AKAP6: variants seen among roughly 807,000 people sequenced by gnomAD.
AKAP6 encodes A-kinase anchor protein 6.
AKAP6 carries 58 observed loss-of-function variants against 188.5 expected under a neutral mutation model. The ratio of observed to expected loss-of-function variants is 0.31; its 90% confidence interval spans 0.25 to 0.38. AKAP6 has a LOEUF of 0.38. AKAP6 is among the 10% of genes least tolerant of loss of function. The probability of loss-of-function intolerance (pLI) is 1.00; values close to 1 mark genes in which losing one functional copy is unlikely to be tolerated. For missense variants in AKAP6, 2,710 were observed against 2,740.0 expected, an observed-to-expected ratio of 0.99 and a Z score of 0.24; for synonymous variants, 989 against 998.6, an observed-to-expected ratio of 0.99 and a Z score of 0.18.
At chr14:32,350,844 G>T (rs1887241527) in intron 1 of AKAP6, among the ~76,000 whole-genome samples, 1 of 152,074 alleles carries the variant, frequency 6.6e-6, no homozygotes, top group African/African-American at 2.4e-5. Flanking sequence ...TCAGAGGATG[G>T]TAGGATGAGA....
intron 1 of AKAP6, among the ~76,000 whole-genome samples, chr14:32,352,266 G>T (rs72666148): frequency 0.083 from 12,280 of 147,184 alleles, 554 homozygotes; most frequent in African/African-American, 0.11. Context: ...TTTTTTTTTT[G>T]GTTTTATTTT....
intron 12 of AKAP6, among the ~76,000 whole-genome samples, chr14:32,818,846 G>T (rs146675635): frequency 0.014 from 2,070 of 152,170 alleles, 20 homozygotes; most frequent in Non-Finnish European, 0.021. Context: ...AATCTGTGCT[G>T]CTAAATGTTA....
chr14:32,580,928 A>G (rs1884937775), intron 5 of AKAP6, among the ~76,000 whole-genome samples: 1 of 152,174 alleles, frequency 6.6e-6, no homozygotes, highest in Admixed American at 6.5e-5. Flanking sequence ...TATATGTGCC[A>G]CATTTTCTTA....
At chr14:32,548,282 A>T (rs939820679) in intron 4 of AKAP6, among the ~76,000 whole-genome samples, 3 of 151,890 alleles carry the variant, frequency 2.0e-5, no homozygotes, top group Non-Finnish European at 2.9e-5. Flanking sequence ...TTGTATTTTT[A>T]GTAGAGACGG....
At chr14:32,725,862 T>C (rs2030844230) in intron 9 of AKAP6, among the ~76,000 whole-genome samples, 1 of 152,196 alleles carries the variant, frequency 6.6e-6, no homozygotes, top group South Asian at 2.1e-4. Flanking sequence ...TGAAACTAAA[T>C]GATGCAACTC....
chr14:32,689,573 A>C (rs1455240055), intron 8 of AKAP6, among the ~76,000 whole-genome samples: 1 of 152,126 alleles, frequency 6.6e-6, no homozygotes, highest in Non-Finnish European at 1.5e-5. Flanking sequence ...CAAAATAGTA[A>C]ATTAGTGTCC....
chr14:32,492,383 G>GAGAGAGAGAGAGAGAGAGAGAGAGAGA (rs1566537012), intron 2 of AKAP6, among the ~76,000 whole-genome samples: 1 of 141,480 alleles, frequency 7.1e-6, no homozygotes, highest in African/African-American at 2.6e-5. Flanking sequence ...GAGAGAGAGA[G>GAGAGAGAGAGAGAGAGAGAGAGAGAGA]GCATTTGGAT....
At chr14:32,676,986 CGGG>C (rs1889454640) in intron 7 of AKAP6, among the ~76,000 whole-genome samples, 1 of 151,962 alleles carries the variant, frequency 6.6e-6, no homozygotes, top group African/African-American at 2.4e-5. Context: ...GGCATGCGCC[CGGG>C]TAATTTTTGT....
intron 8 of AKAP6, among the ~76,000 whole-genome samples, chr14:32,682,996 T>TTTTTTTTTTTTTGTTTTTG (rs1445255344): frequency 8.1e-4 from 83 of 102,796 alleles, no homozygotes; most frequent in Middle Eastern, 4.4e-3. Context: ...TTTTTCTTCC[T>TTTTTTTTTTTTTGTTTTTG]TTTTTTTTTG....
At chr14:32,585,246 C>A (rs1428999366) in intron 5 of AKAP6, among the ~76,000 whole-genome samples, 1 of 152,236 alleles carries the variant, frequency 6.6e-6, no homozygotes, top group East Asian at 1.9e-4. Flanking sequence ...TATCTGCAGC[C>A]AATCAGTATA....
intron 1 of AKAP6, among the ~76,000 whole-genome samples, chr14:32,382,458 T>G (rs980813873): frequency 6.6e-6 from 1 of 152,170 alleles, no homozygotes; most frequent in African/African-American, 2.4e-5. Flanking sequence ...TTCTACTGCA[T>G]AGGGTTATAA....
At chr14:32,664,444 C>T (rs1888833773) in intron 7 of AKAP6, among the ~76,000 whole-genome samples, 2 of 150,448 alleles carry the variant, frequency 1.3e-5, no homozygotes, top group African/African-American at 5.0e-5. Flanking sequence ...GTAGAGAAAA[C>T]TGAAGAATAT....
intron 8 of AKAP6, among the ~76,000 whole-genome samples, chr14:32,686,012 C>T (rs1366068815): frequency 6.6e-6 from 1 of 152,068 alleles, no homozygotes; most frequent in Non-Finnish European, 1.5e-5. Flanking sequence ...GCATTGTTCA[C>T]AATAGCCAAG....
At chr14:32,496,406 G>C (rs1211981217) in intron 2 of AKAP6, among the ~76,000 whole-genome samples, 1 of 151,942 alleles carries the variant, frequency 6.6e-6, no homozygotes, top group Non-Finnish European at 1.5e-5. Context: ...ACATGTATAT[G>C]TACATGTGTA....
rs947936096 is a variant in AKAP6, at chr14:32,475,163, C to G, written c.324+41346C>G. Among the ~76,000 whole-genome samples the G allele has an allele frequency of 8.5e-5, 13 of 152,280 alleles. No individual in the cohort carries two copies. The South Asian group carries it at 1.0e-3, about 12-fold the overall frequency. ...CCTTTGTTCAGCGCTTACTATATGT[C>G]AGATACTTTGCATGCACTATCATGT... On this transcript the variant is annotated intron_variant, in intron 2 of 13. Transcript: ENST00000280979.
chr14:32,385,883 T>TA (rs1388013740), intron 1 of AKAP6, among the ~76,000 whole-genome samples: 2 of 149,270 alleles, frequency 1.3e-5, no homozygotes, highest in Non-Finnish European at 3.0e-5. Flanking sequence ...ATATCATATA[T>TA]ATCACAGTTC....
chr14:32,567,289 T>A (rs1253909482), intron 4 of AKAP6, among the ~76,000 whole-genome samples: 1 of 152,218 alleles, frequency 6.6e-6, no homozygotes, highest in Non-Finnish European at 1.5e-5. Flanking sequence ...AGATTAATTC[T>A]AAGAGCCTTT....
intron 5 of AKAP6, among the ~76,000 whole-genome samples, chr14:32,581,541 G>T (rs1049285740): frequency 9.9e-5 from 15 of 151,892 alleles, no homozygotes; most frequent in Admixed American, 9.8e-4. Context: ...TCAATTCCTG[G>T]GTATCCTTGT....
Position 32,594,216 on chromosome 14 carries a change from G to C in AKAP6, c.2470-5194G>C, listed in dbSNP as rs559193909. Among the ~76,000 whole-genome samples, 48 of 152,236 alleles carry C rather than the reference G, an allele frequency of 3.2e-4. 2 individuals carry two copies. In the South Asian group the frequency reaches 1.0e-2, roughly 32 times the overall value. ...ATATTTCAGAAAACTAAAGCACCCA[G>C]AACTTGTTCCATAAGATCAGACCAT... On this transcript the variant is annotated intron_variant, in intron 5 of 13. Transcript: ENST00000280979.
Sources: allele counts gnomAD v4.1 joint callset (sites outside exome capture counted in the v4.1 genomes callset), GRCh38; gene constraint gnomAD v4.1.1; transcripts MANE v1.5; gene names NCBI Gene and HGNC (gene_info 2026-07-23, HGNC 2026-07-21).